The following PABPC4L variants were observed in gnomAD, a reference collection of about 807,000 sequenced individuals.
PABPC4L encodes polyadenylate-binding protein 4-like.
For missense variants in PABPC4L, 452 were observed against 451.4 expected, an observed-to-expected ratio of 1.00 and a Z score of -0.01; for synonymous variants, 169 against 164.1, an observed-to-expected ratio of 1.03 and a Z score of -0.23.
the PABPC4L span, among the ~76,000 whole-genome samples, chr4:134,099,946 C>T: frequency 6.6e-6 from 1 of 151,686 alleles, no homozygotes; most frequent in Non-Finnish European, 1.5e-5. Flanking sequence ...TGGTCAGACC[C>T]TGTCCACTTA....
chr4:134,010,043 C>A, the PABPC4L span, among the ~76,000 whole-genome samples: 2 of 151,908 alleles, frequency 1.3e-5, no homozygotes, highest in Non-Finnish European at 2.9e-5. Context: ...TGATCAAGGG[C>A]AATTTGAGTT....
At chr4:134,089,460 G>T in the PABPC4L span, among the ~76,000 whole-genome samples, 57 of 152,106 alleles carry the variant, frequency 3.7e-4, no homozygotes, top group Admixed American at 7.2e-4. Context: ...ACATTCTGGG[G>T]TTTAGACAAA....
chr4:134,137,401 T>C, the PABPC4L span, among the ~76,000 whole-genome samples: 4 of 151,904 alleles, frequency 2.6e-5, no homozygotes, highest in African/African-American at 7.2e-5. Context: ...GTATAAGAGA[T>C]TAGAATATTC....
the PABPC4L span, among the ~76,000 whole-genome samples, chr4:134,137,245 G>A: frequency 2.0e-5 from 3 of 151,800 alleles, no homozygotes; most frequent in African/African-American, 7.2e-5. Context: ...AAATGAAAAA[G>A]CAAATGATAT....
chr4:134,112,145 CAACAGGTCACATTATTTAGAA>C, the PABPC4L span, among the ~76,000 whole-genome samples: 1 of 151,770 alleles, frequency 6.6e-6, no homozygotes, highest in South Asian at 2.1e-4. Context: ...AATAGTTTAA[CAACAGGTCACATTATTTAGAA>C]AACTACAAAG....
At chr4:134,048,523 A>T in the PABPC4L span, among the ~76,000 whole-genome samples, 2 of 152,152 alleles carry the variant, frequency 1.3e-5, no homozygotes, top group African/African-American at 2.4e-5. Flanking sequence ...AGGTGAGGGT[A>T]GAAGAAACTC....
chr4:134,068,435 T>C, the PABPC4L span, among the ~76,000 whole-genome samples: 1 of 152,162 alleles, frequency 6.6e-6, no homozygotes, highest in African/African-American at 2.4e-5. Flanking sequence ...AACAGGTCTC[T>C]TGAAGACAGT....
the PABPC4L span, among the ~76,000 whole-genome samples, chr4:134,109,330 G>A: frequency 2.6e-5 from 4 of 151,794 alleles, no homozygotes; most frequent in East Asian, 7.8e-4. Flanking sequence ...TTACAGTTGA[G>A]CCTAAATTGG....
At chr4:133,981,550 G>A in the PABPC4L span, among the ~76,000 whole-genome samples, 2 of 151,888 alleles carry the variant, frequency 1.3e-5, no homozygotes, top group Non-Finnish European at 2.9e-5. Context: ...CTTAACAGGG[G>A]GAAAAATTGT....
chr4:134,126,856 A>G, the PABPC4L span, among the ~76,000 whole-genome samples: 6 of 152,036 alleles, frequency 3.9e-5, no homozygotes, highest in Admixed American at 3.3e-4. Context: ...GCTTTCTAAG[A>G]TGGGAGGCTT....
At chr4:134,194,947 C>T (rs77976549), downstream of PABPC4L, among the ~76,000 whole-genome samples, 1 of 151,646 alleles carries the variant, frequency 6.6e-6, no homozygotes. Context: ...ATGATATGAT[C>T]AAATAGGCAT....
the PABPC4L span, among the ~76,000 whole-genome samples, chr4:133,981,841 A>T: frequency 6.6e-6 from 1 of 152,014 alleles, no homozygotes. Context: ...TAACACCATC[A>T]GCTTTTTGGA....
At chr4:134,120,707 T>A in the PABPC4L span, among the ~76,000 whole-genome samples, 2 of 151,582 alleles carry the variant, frequency 1.3e-5, no homozygotes, top group South Asian at 2.1e-4. Flanking sequence ...AGTCTAATAT[T>A]TACTTCTTTG....
At chr4:134,181,528 G>T in the PABPC4L span, among the ~76,000 whole-genome samples, 2 of 151,886 alleles carry the variant, frequency 1.3e-5, no homozygotes, top group Admixed American at 6.6e-5. Context: ...AAAGTAATCA[G>T]GCAAGACTAA....
the PABPC4L span, among the ~76,000 whole-genome samples, chr4:134,142,338 C>T: frequency 6.6e-6 from 1 of 151,496 alleles, no homozygotes; most frequent in Non-Finnish European, 1.5e-5. Flanking sequence ...CAGCAGATGG[C>T]AATGAAAGGG....
the PABPC4L span, among the ~76,000 whole-genome samples, chr4:134,038,685 T>G: frequency 1.1e-4 from 16 of 152,152 alleles, no homozygotes; most frequent in Non-Finnish European, 1.5e-4. Flanking sequence ...TATCATTTTT[T>G]ATTGCATCTA....
chr4:134,170,045 C>T, the PABPC4L span, among the ~76,000 whole-genome samples: 1 of 152,130 alleles, frequency 6.6e-6, no homozygotes, highest in African/African-American at 2.4e-5. Flanking sequence ...CCACACTCCA[C>T]ACTCAAGTAG....
the PABPC4L span, among the ~76,000 whole-genome samples, chr4:134,173,057 T>G: frequency 7.2e-3 from 986 of 137,504 alleles, 11 homozygotes; most frequent in African/African-American, 0.025. Context: ...AGACAGGCAA[T>G]AACAAATGCT....
chr4:134,050,925 A>C, the PABPC4L span, among the ~76,000 whole-genome samples: 1 of 150,676 alleles, frequency 6.6e-6, no homozygotes, highest in Non-Finnish European at 1.5e-5. Context: ...CATTTGGAAA[A>C]GAGTTTTCAA....
Sources: allele counts gnomAD v4.1 joint callset (sites outside exome capture counted in the v4.1 genomes callset), GRCh38; gene constraint gnomAD v4.1.1; transcripts MANE v1.5; gene names NCBI Gene and HGNC (gene_info 2026-07-23, HGNC 2026-07-21).